CNTNAP2: variants seen among roughly 807,000 people sequenced by gnomAD.
The protein encoded by CNTNAP2 is contactin-associated protein-like 2.
A neutral mutation model predicts 155.2 loss-of-function variants in CNTNAP2; 98 were observed. The observed-to-expected ratio is 0.63, with a 90% CI of 0.54 to 0.75. CNTNAP2 has a LOEUF of 0.75. Ranked by LOEUF, CNTNAP2 falls within the 30% of genes least tolerant of loss-of-function variation. CNTNAP2 has a pLI of 0.00. For missense variants in CNTNAP2, 1,727 were observed against 1,688.1 expected, an observed-to-expected ratio of 1.02 and a Z score of -0.40; for synonymous variants, 651 against 631.2, an observed-to-expected ratio of 1.03 and a Z score of -0.47.
intron 13 of CNTNAP2, among the ~76,000 whole-genome samples, chr7:147,654,859 G>T (rs1795502646): frequency 7.6e-6 from 1 of 131,690 alleles, no homozygotes; most frequent in African/African-American, 3.2e-5. Context: ...TGTCGCCCAG[G>T]CTGGAGTGCA....
chr7:147,561,833 T>C lies in CNTNAP2; in HGVS notation c.1778-305T>C, dbSNP rs554571040. Among the ~76,000 whole-genome samples the C allele has an allele frequency of 1.2e-4, 19 of 152,240 alleles. No individual in the cohort carries two copies. The South Asian group carries it at 3.9e-3, about 32-fold the overall frequency. The stretch of plus-strand genomic sequence containing the variant: ...ATAATATCTATAAATAAGTAGAAAT[T>C]AAATATTGTTTTCAATGATCATGAG... On this transcript the variant is annotated intron_variant, in intron 11 of 23. Transcript: ENST00000361727.
At chr7:147,204,513 A>G (rs1802980516) in intron 8 of CNTNAP2, among the ~76,000 whole-genome samples, 1 of 152,150 alleles carries the variant, frequency 6.6e-6, no homozygotes, top group South Asian at 2.1e-4. Context: ...ACCATGCTAT[A>G]TGAAACAGTG....
At chr7:146,856,242 CAGAT>C (rs576082878) in intron 3 of CNTNAP2, among the ~76,000 whole-genome samples, 52 of 150,164 alleles carry the variant, frequency 3.5e-4, no homozygotes, top group African/African-American at 1.1e-3. Context: ...GGTAGACAGA[CAGAT>C]AGATAGATGA....
chr7:146,453,748 G>A lies in CNTNAP2; in HGVS notation c.98-320523G>A, dbSNP rs565969295. Among the ~76,000 whole-genome samples the A allele has an allele frequency of 5.9e-5, 9 of 152,292 alleles. No homozygotes were observed. In the South Asian group the frequency reaches 1.9e-3, roughly 32 times the overall value. ...GTACAGAAGATATAAAAGAGACTCT[G>A]ATTTAACTTCTAGAGATTATAAAAT... On this transcript the variant is annotated intron_variant, in intron 1 of 23. Coordinates refer to ENST00000361727, the MANE Select transcript of CNTNAP2 (RefSeq NM_014141.6).
chr7:146,867,185 G>A (rs568622968), intron 3 of CNTNAP2, among the ~76,000 whole-genome samples: 2 of 151,942 alleles, frequency 1.3e-5, no homozygotes, highest in South Asian at 2.1e-4. Context: ...TTCTGTCCTC[G>A]AGAAGAACCC....
At chr7:147,557,918 C>G (rs1022696125) in intron 11 of CNTNAP2, among the ~76,000 whole-genome samples, 4 of 152,100 alleles carry the variant, frequency 2.6e-5, no homozygotes, top group Non-Finnish European at 4.4e-5. Flanking sequence ...GGGAGAGTAT[C>G]CAGGCGGTAA....
At chr7:146,801,903 A>G (rs1262248562) in intron 2 of CNTNAP2, among the ~76,000 whole-genome samples, 1 of 152,240 alleles carries the variant, frequency 6.6e-6, no homozygotes, top group Non-Finnish European at 1.5e-5. Flanking sequence ...ATTAATTTTA[A>G]TGAATGTGTG....
In CNTNAP2 at chr7:147,307,840, G is replaced by A. The variant is rs533150755; in HGVS notation, c.1498+7550G>A. On this transcript the variant is annotated intron_variant, in intron 9 of 23. Transcript: ENST00000361727. ...TCATTTATATCCAAAGAGATTATGG[G>A]CAACTAACAAGTAGTAGAGCTTGGA... 2.0e-4 allele frequency among the ~76,000 whole-genome samples: 30 copies of A among 152,230 alleles called. 1 individual carries two copies. In the South Asian group the frequency reaches 5.2e-3, roughly 26 times the overall value.
intron 1 of CNTNAP2, among the ~76,000 whole-genome samples, chr7:146,723,126 G>A (rs1284766277): frequency 6.6e-6 from 1 of 152,212 alleles, no homozygotes; most frequent in Admixed American, 6.5e-5. Context: ...CAAGATGGGT[G>A]TTGGGGTAGG....
At chr7:148,143,853 T>C (rs1390254560) in intron 16 of CNTNAP2, among the ~76,000 whole-genome samples, 1 of 152,154 alleles carries the variant, frequency 6.6e-6, no homozygotes, top group African/African-American at 2.4e-5. Context: ...GTCTTTTCCT[T>C]ATAACTCACC....
At chr7:147,510,768 C>T (rs943911133) in intron 11 of CNTNAP2, among the ~76,000 whole-genome samples, 1 of 146,242 alleles carries the variant, frequency 6.8e-6, no homozygotes, top group Non-Finnish European at 1.5e-5. Context: ...ACAAATATTG[C>T]TTGGAAATTT....
At chr7:147,921,193 A>G (rs1165608974) in intron 14 of CNTNAP2, among the ~76,000 whole-genome samples, 1 of 152,154 alleles carries the variant, frequency 6.6e-6, no homozygotes, top group African/African-American at 2.4e-5. Flanking sequence ...ATAATGAATT[A>G]AAGAGGATCT....
intron 13 of CNTNAP2, among the ~76,000 whole-genome samples, chr7:147,872,919 G>T (rs544159453): frequency 6.6e-6 from 1 of 152,148 alleles, no homozygotes; most frequent in East Asian, 1.9e-4. Context: ...TGAAAAAATA[G>T]TTCATGTCTC....
intron 13 of CNTNAP2, among the ~76,000 whole-genome samples, chr7:147,754,012 C>T (rs10952713): frequency 1.3e-5 from 2 of 152,066 alleles, no homozygotes; most frequent in East Asian, 1.9e-4. Flanking sequence ...CCCTGCAGCC[C>T]TAAGTACCAC....
At chr7:146,881,068 T>C (rs1795539878) in intron 3 of CNTNAP2, among the ~76,000 whole-genome samples, 1 of 152,132 alleles carries the variant, frequency 6.6e-6, no homozygotes, top group African/African-American at 2.4e-5. Flanking sequence ...ATTGAGTAGA[T>C]TCCAGGAAAG....
chr7:147,479,296 G>T (rs1798379571), intron 10 of CNTNAP2, among the ~76,000 whole-genome samples: 1 of 152,114 alleles, frequency 6.6e-6, no homozygotes, highest in Admixed American at 6.6e-5. Flanking sequence ...CTAATATCTG[G>T]CATATGTATA....
Position 148,375,964 on chromosome 7 carries a change from C to A in CNTNAP2, c.3476-7685C>A, listed in dbSNP as rs1227871353. ...GCAGTGAGCCGAGATTGCGCCACTG[C>A]ACTCCAGCCTGGGTAACAGAGCAAG... On this transcript the variant is annotated intron_variant, in intron 21 of 23. Coordinates refer to ENST00000361727, the MANE Select transcript of CNTNAP2 (RefSeq NM_014141.6). Among the ~76,000 whole-genome samples, 5 of 59,170 alleles carry A rather than the reference C, an allele frequency of 8.5e-5. 1 individual carries two copies. The highest frequency in any genetic ancestry group is 5.0e-4 in the Admixed American group (2 of 4,028). The allele number at this position is 59,170 out of a possible 152,430, so 38.8% of individuals were successfully genotyped here. A position where few individuals can be genotyped will look rare whatever the true frequency, so the allele number is the denominator to read the frequency against.
chr7:147,717,119 A>G (rs1488294848), intron 13 of CNTNAP2, among the ~76,000 whole-genome samples: 2 of 152,106 alleles, frequency 1.3e-5, no homozygotes, highest in Non-Finnish European at 2.9e-5. Context: ...TTCTAAAGAA[A>G]AAAAAAGGAG....
chr7:146,460,971 C>G (rs1459198095), intron 1 of CNTNAP2, among the ~76,000 whole-genome samples: 1 of 152,034 alleles, frequency 6.6e-6, no homozygotes, highest in Non-Finnish European at 1.5e-5. Flanking sequence ...GCATAGATCC[C>G]AAATGTTCTC....
Sources: allele counts gnomAD v4.1 joint callset (sites outside exome capture counted in the v4.1 genomes callset), GRCh38; gene constraint gnomAD v4.1.1; transcripts MANE v1.5; gene names NCBI Gene and HGNC (gene_info 2026-07-23, HGNC 2026-07-21).